The following PDXDC1 variants were observed in gnomAD, a reference collection of about 807,000 sequenced individuals.
PDXDC1 encodes pyridoxal-dependent decarboxylase domain-containing protein 1.
Under a neutral mutation model 100.1 loss-of-function variants are expected in PDXDC1, and 42 were observed. That is an observed-to-expected ratio of 0.42 (90% CI 0.33 to 0.54). The LOEUF is 0.54. Among genes scored for constraint, PDXDC1 ranks in the 20% least tolerant of loss-of-function variants. PDXDC1 has a pLI of 0.10. For synonymous variants in PDXDC1, 260 were observed against 371.7 expected, an observed-to-expected ratio of 0.70 and a Z score of 3.46; for missense variants, 636 against 979.2, an observed-to-expected ratio of 0.65 and a Z score of 4.68.
At chr16:15,093,723 A>C (rs186452902) in intron 16 of PDXDC1, among the ~76,000 whole-genome samples, 1 of 152,358 alleles carries the variant, frequency 6.6e-6, no homozygotes, top group East Asian at 1.9e-4. Context: ...ACTGCGAAAC[A>C]AATACGTGTG....
intron 1 of PDXDC1, among the ~76,000 whole-genome samples, chr16:14,986,751 T>C (rs1431059466): frequency 6.6e-6 from 1 of 152,294 alleles, no homozygotes; most frequent in Non-Finnish European, 1.5e-5. Flanking sequence ...TTTTTGGTTT[T>C]GGGATTTTTG....
intron 16 of PDXDC1, chr16:15,044,466 C>G: frequency 9.1e-7 from 1 of 1,102,792 alleles, no homozygotes; most frequent in Non-Finnish European, 1.4e-6. Context: ...GTGCGCTGGT[C>G]TCACTTTGAA....
intron 1 of PDXDC1, chr16:14,996,235 A>G: frequency 3.5e-6 from 1 of 283,796 alleles, no homozygotes; most frequent in Non-Finnish European, 7.0e-6. Context: ...TGATAAATGG[A>G]GTGGAATTTC....
intron 16 of PDXDC1, chr16:15,094,537 C>T (rs1598037058): frequency 4.2e-6 from 2 of 479,262 alleles, no homozygotes; most frequent in South Asian, 5.7e-5. Flanking sequence ...TAAGCTGTGG[C>T]CGGGTACACT....
chr16:15,069,106 A>T (rs1467062182), intron 16 of PDXDC1, among the ~76,000 whole-genome samples: 7 of 152,178 alleles, frequency 4.6e-5, no homozygotes, highest in African/African-American at 1.7e-4. Context: ...AGGTAAACAT[A>T]TATAATGCAA....
chr16:15,023,084 T>A (rs967367039), intron 13 of PDXDC1, among the ~76,000 whole-genome samples: 2 of 152,298 alleles, frequency 1.3e-5, no homozygotes, highest in African/African-American at 4.8e-5. Flanking sequence ...TTGGGCACAC[T>A]CTTCTTCCCA....
At chr16:14,975,021 G>A (rs1336413657), upstream of PDXDC1, 8 of 1,533,040 alleles carry the variant, frequency 5.2e-6, no homozygotes, top group East Asian at 2.5e-5. Flanking sequence ...GCCCCGCCCC[G>A]CCGCCTCTCA....
chr16:15,130,409 G>A lies in PDXDC1; in HGVS notation c.1400-8470G>A, dbSNP rs747087336. 2.6e-6 allele frequency: 4 copies of A among 1,565,552 alleles called. No homozygotes were observed. In the Admixed American group the frequency reaches 6.9e-5, roughly 27 times the overall value. ...ACACCTCCAGCGCCGACAGGCGGAA[G>A]TGGCTGGAGAGGTTCAGACGGTAAC... On this transcript the variant is annotated intron_variant, in intron 16 of 16. Transcript: ENST00000535621.
At position 15,060,017 on chromosome 16, in the gene PDXDC1, A is replaced by G. The variant is rs112411308; in HGVS notation, c.1399+29961A>G. The G allele has an allele frequency of 8.8e-3, 1,502 of 170,476 alleles. 14 individuals are homozygous for G. Among genetic ancestry groups the G allele is most frequent in the Non-Finnish European group, 0.014 (1,078 of 79,030 alleles). 10.6% of individuals were successfully genotyped at this position (170,476 alleles called of 1,614,324 possible). ...TAAATTAAAAAAAAAAAAACAAAAC[A>G]GAAATTGAAAGAACATGTATTGAGG... is the stretch of plus-strand genomic sequence containing the variant. On this transcript the variant is annotated intron_variant, in intron 16 of 16. Transcript: ENST00000535621.
rs553957062 is a variant in PDXDC1, at chr16:15,031,811, G to A, written c.1476G>A (p.Thr492=). ...GCAAACTGCCAGTGCTGTGCTGTACGCTCCAGTTGCGTGAAGAGTTCAAGC... is the reference window on the plus strand; with the variant it reads ...GCAAACTGCCAGTGCTGTGCTGTACACTCCAGTTGCGTGAAGAGTTCAAGC... ...IESKLPVLCC[T]LQLREEFKQE... Residue 492 remains threonine, a synonymous_variant, in exon 17 of 23, where the codon ACG becomes ACA. Coordinates refer to ENST00000396410, the MANE Select transcript of PDXDC1 (RefSeq NM_015027.4). 122 of 1,613,824 alleles carry A rather than the reference G, an allele frequency of 7.6e-5. No individual in the cohort carries two copies. Among genetic ancestry groups the A allele is most frequent in the Middle Eastern group, 3.3e-4 (2 of 6,062 alleles).
Position 15,036,531 on chromosome 16 carries a change from C to G in PDXDC1, c.*256C>G. On this transcript the variant is annotated 3_prime_UTR_variant, in exon 23 of 23. Transcript: ENST00000396410. ...AGTTACCATAAACACATTTTATTCA[C>G]AAAAAACACTTCGAATTTCAAGTGT... 1 of 519,536 alleles carries G rather than the reference C, an allele frequency of 1.9e-6. No individual in the cohort carries two copies. The highest frequency in any genetic ancestry group is 3.1e-5 in the East Asian group (1 of 31,884). 32.2% of individuals were successfully genotyped at this position (519,536 alleles called of 1,614,324 possible).
chr16:15,086,355 G>C (rs1355164769), intron 16 of PDXDC1: 10 of 1,613,370 alleles, frequency 6.2e-6, no homozygotes, highest in Non-Finnish European at 8.5e-6. Context: ...AAAATAAATG[G>C]TGAACTTACT....
chr16:15,094,076 A>G, intron 16 of PDXDC1: 1 of 1,385,222 alleles, frequency 7.2e-7, no homozygotes, highest in Non-Finnish European at 1.0e-6. Flanking sequence ...CATCCTTTCA[A>G]TCCGCTCCTC....
intron 16 of PDXDC1, among the ~76,000 whole-genome samples, chr16:15,097,487 A>AC (rs2046397340): frequency 6.7e-6 from 1 of 148,452 alleles, no homozygotes; most frequent in Non-Finnish European, 1.5e-5. Context: ...AAAAAAAAAA[A>AC]AAAAATGTGC....
chr16:15,148,876 G>A, the PDXDC1 span, among the ~76,000 whole-genome samples: 2 of 151,982 alleles, frequency 1.3e-5, no homozygotes, highest in African/African-American at 4.8e-5. Context: ...CCCCACCCCT[G>A]CCGGCAATCG....
Position 15,135,368 on chromosome 16 carries a change from G to A in PDXDC1, c.1400-3511G>A. 3 of 1,531,694 alleles carry A rather than the reference G, an allele frequency of 2.0e-6. No homozygotes were observed. The South Asian group carries it at 3.6e-5, about 18-fold the overall frequency. 94.9% of individuals were successfully genotyped at this position (1,531,694 alleles called of 1,614,324 possible). ...CACGCCAGCCGCCAGCCGTTCCCGT[G>A]GAATGGTGACCGTGCTGCTCCCGCG... On this transcript the variant is annotated intron_variant, in intron 16 of 16. Coordinates refer to the PDXDC1 transcript ENST00000535621.
At chr16:15,063,012 TA>T (rs1337195520) in intron 16 of PDXDC1, among the ~76,000 whole-genome samples, 3 of 152,260 alleles carry the variant, frequency 2.0e-5, no homozygotes, top group African/African-American at 7.2e-5. Flanking sequence ...CCCAGCTAAT[TA>T]AAAAAATTTT....
At chr16:15,098,118 T>A (rs535789595) in intron 16 of PDXDC1, among the ~76,000 whole-genome samples, 1 of 151,530 alleles carries the variant, frequency 6.6e-6, no homozygotes, top group South Asian at 2.1e-4. Context: ...TGTACAAGTG[T>A]TTTTCTAGGG....
chr16:14,984,495 A>ATATTTTTTTTTTT (rs1555542734), intron 1 of PDXDC1, among the ~76,000 whole-genome samples: 2 of 73,498 alleles, frequency 2.7e-5, no homozygotes, highest in African/African-American at 5.0e-5. Context: ...ATATATATAT[A>ATATTTTTTTTTTT]TTTTTTTTTT....
Sources: gnomAD v4.1 joint callset for allele counts (sites outside exome capture counted in the v4.1 genomes callset) on GRCh38, gnomAD v4.1.1 for gene constraint, MANE v1.5 for transcripts, NCBI Gene and HGNC (gene_info 2026-07-23, HGNC 2026-07-21) for gene names.